TSPOAP1: variants seen among roughly 807,000 people sequenced by gnomAD.
TSPOAP1 encodes the protein peripheral-type benzodiazepine receptor-associated protein 1.
Under a neutral mutation model 197.0 loss-of-function variants are expected in TSPOAP1, and 87 were observed. That is an observed-to-expected ratio of 0.44 (90% CI 0.37 to 0.53). TSPOAP1 has a LOEUF of 0.53. Ranked by LOEUF, TSPOAP1 falls within the 20% of genes least tolerant of loss-of-function variation. The probability of loss-of-function intolerance (pLI) is 0.00; values close to 1 mark genes in which losing one functional copy is unlikely to be tolerated. For synonymous variants in TSPOAP1, 913 were observed against 998.9 expected, an observed-to-expected ratio of 0.91 and a Z score of 1.62; for missense variants, 2,174 against 2,411.3, an observed-to-expected ratio of 0.90 and a Z score of 2.06.
chr17:58,307,964 G>A (rs750608152), intron 22 of TSPOAP1, 23 bp from the exon 23 acceptor site: 1 of 1,593,208 alleles, frequency 6.3e-7, no homozygotes, highest in South Asian at 1.1e-5. Context: ...GGCAACAGAT[G>A]GCAAAAGTAA....
Position 58,307,715 on chromosome 17 carries a change from C to G in TSPOAP1, c.4879G>C (p.Val1627Leu). 1 of 1,614,182 alleles carries G rather than the reference C, an allele frequency of 6.2e-7. No homozygotes were observed. Among genetic ancestry groups the G allele is most frequent in the Non-Finnish European group, 8.5e-7 (1 of 1,180,036 alleles). The change falls in exon 24 of 32, where the codon GTC (valine) becomes CTC (leucine). Residue 1627 changes from valine (V) to leucine (L), a missense_variant. By Grantham distance (32) the Val-to-Leu change is conservative. Around this residue, in one of 5 missense-constraint regions of TSPOAP1, gnomAD observed 1,933 missense variants for 2,139.0 expected, o/e 0.90. Coordinates refer to ENST00000343736, the MANE Select transcript of TSPOAP1 (RefSeq NM_004758.4). The part of the protein sequence containing the change: ...SETLAYQHLP[V>L]RIFVALFDYD... ...TCAAACAGAGCCACAAAGATCCTGA[C>G]GGGTAGGTGCTGGTAAGCCAGTGTT...
chr17:58,323,465 T>G lies in TSPOAP1; in HGVS notation c.1020+3A>C, dbSNP rs2143125471. 1 of 1,614,200 alleles carries G rather than the reference T, an allele frequency of 6.2e-7. No homozygotes were observed. Among genetic ancestry groups the G allele is most frequent in the East Asian group, 2.2e-5 (1 of 44,888 alleles). ...TGCCTCCAGCCCTTGACCTAGGACT[T>G]ACCAGCTGCTGCACCCTCTGCTCTT... On this transcript the variant is annotated splice_donor_region_variant and intron_variant, in intron 6 of 31. Coordinates refer to ENST00000343736, the MANE Select transcript of TSPOAP1 (RefSeq NM_004758.4).
At position 58,312,732 on chromosome 17, in the gene TSPOAP1, G is replaced by T; in HGVS notation, c.2099-10C>A. ...CCATCCATGAGCTCTCCTGGCAGGA[G>T]GAGGACAGGAAGGGGCAGGGCAGGG... On this transcript the variant is annotated splice_polypyrimidine_tract_variant and intron_variant, in intron 16 of 31. Coordinates refer to ENST00000343736, the MANE Select transcript of TSPOAP1 (RefSeq NM_004758.4). The T allele has an allele frequency of 6.2e-7, 1 of 1,610,214 alleles. No homozygotes were observed. Among genetic ancestry groups the T allele is most frequent in the Non-Finnish European group, 8.5e-7 (1 of 1,178,506 alleles).
intron 15 of TSPOAP1, 139 bp from the exon 16 acceptor site, chr17:58,316,271 C>G: frequency 9.4e-7 from 1 of 1,059,082 alleles, no homozygotes; most frequent in African/African-American, 1.6e-5. Flanking sequence ...TGAGCCCTCA[C>G]TGCACCCACC....
Position 58,323,488 on chromosome 17 carries a change from C to T in TSPOAP1, c.1000G>A (p.Glu334Lys), listed in dbSNP as rs1205612577. Residue 334 changes from glutamate to lysine, a missense_variant, in exon 6 of 32, where the codon GAG becomes AAG. By Grantham distance (56) the Glu-to-Lys change is moderately conservative (BLOSUM62 1). Around this residue, in one of 5 missense-constraint regions of TSPOAP1, gnomAD observed 1,933 missense variants for 2,139.0 expected, o/e 0.90. Transcript: ENST00000343736. Reference sequence around the variant, plus strand: ...CTTACCAGCTGCTGCACCCTCTGCTCTTTCTCTGGCTCCCCTAGAATCACG... The same window carrying T: ...CTTACCAGCTGCTGCACCCTCTGCTTTTTCTCTGGCTCCCCTAGAATCACG... ...LPVILGEPEK[E>K]QRVQQLESEL... 1 of 1,614,114 alleles carries T rather than the reference C, an allele frequency of 6.2e-7. No individual in the cohort carries two copies. The highest frequency in any genetic ancestry group is 8.5e-7 in the Non-Finnish European group (1 of 1,180,030).
At chr17:58,323,597 C>A in intron 5 of TSPOAP1, 52 bp from the exon 6 acceptor site, 1 of 1,575,232 alleles carries the variant, frequency 6.3e-7, no homozygotes, top group Non-Finnish European at 8.7e-7. Context: ...GGCCCCAGGG[C>A]AGCCTGCCCC....
chr17:58,304,641 A>G lies in TSPOAP1; in HGVS notation c.5545-242T>C. ...GGAGAGGCAAGCTCAAGGAACGAGA[A>G]CCCAGGAAGCTGGGCCTGGCTGGGC... is the stretch of plus-strand genomic sequence containing the variant. On this transcript the variant is annotated intron_variant, in intron 30 of 31. Transcript: ENST00000343736. This position sits in a 1 kb window ranked among gnomAD's most constrained non-coding sequence, Gnocchi z 4.2. 1 of 583,132 alleles carries G rather than the reference A, an allele frequency of 1.7e-6. No individual in the cohort carries two copies. Among genetic ancestry groups the G allele is most frequent in the Non-Finnish European group, 3.1e-6 (1 of 325,484 alleles). 36.1% of individuals were successfully genotyped at this position (583,132 alleles called of 1,614,324 possible).
Position 58,324,875 on chromosome 17 carries a change from G to A in TSPOAP1, c.878C>T (p.Ser293Phe). 1.3e-6 allele frequency: 2 copies of A among 1,531,720 alleles called. No homozygotes were observed. The highest frequency in any genetic ancestry group is 2.7e-5 in the African/African-American group (2 of 72,896). The allele number at this position is 1,531,720 out of a possible 1,614,324, so 94.9% of individuals were successfully genotyped here. A position where few individuals can be genotyped will look rare whatever the true frequency, so the allele number is the denominator to read the frequency against. ...NQRETLPLPP[S>F]WPPGPALQAR... ...CTGGAGAGCAGGGCCCGGGGGCCAGGACGGCGGGAGCGGGAGCGTCTCCCG... is the reference window on the plus strand; with the variant it reads ...CTGGAGAGCAGGGCCCGGGGGCCAGAACGGCGGGAGCGGGAGCGTCTCCCG... Residue 293 changes from serine (S) to phenylalanine (F), a missense_variant, in exon 5 of 32, where the codon TCC (serine) becomes TTC (phenylalanine). Physicochemically the swap from Ser to Phe is radical, Grantham distance 155. This residue lies in a region of TSPOAP1 where 1,933 missense variants were observed against 2,139.0 expected (regional missense o/e 0.90). Coordinates refer to ENST00000343736, the MANE Select transcript of TSPOAP1 (RefSeq NM_004758.4). This position sits in a 1 kb window ranked among gnomAD's most constrained non-coding sequence, Gnocchi z 5.8.
Position 58,312,774 on chromosome 17 carries a change from T to A in TSPOAP1, c.2099-52A>T, listed in dbSNP as rs1196043606. On this transcript the variant is annotated intron_variant, in intron 16 of 31. Transcript: ENST00000343736. The stretch of plus-strand genomic sequence containing the variant: ...AGGGCAGGGGAAGACAGAGAGGAGA[T>A]AAAGAAAAAACGGTATAATAAATGC... The A allele has an allele frequency of 1.6e-5, 24 of 1,482,330 alleles. No homozygotes were observed. The Admixed American group carries it at 2.6e-4, about 16-fold the overall frequency. The allele number at this position is 1,482,330 out of a possible 1,614,324, so 91.8% of individuals were successfully genotyped here. A position where few individuals can be genotyped will look rare whatever the true frequency, so the allele number is the denominator to read the frequency against.
In TSPOAP1 at chr17:58,322,348, C is replaced by T; in HGVS notation, c.1382G>A (p.Ser461Asn). The T allele has an allele frequency of 1.9e-6, 3 of 1,605,346 alleles. No individual in the cohort carries two copies. Among genetic ancestry groups the T allele is most frequent in the Non-Finnish European group, 2.5e-6 (3 of 1,179,978 alleles). Reference sequence around the variant, plus strand: ...GACCTCCTCCTGCTTCTCCCGTAGGCTGAGCCGAGCCTGTTCATGCTCCAC... The same window carrying T: ...GACCTCCTCCTGCTTCTCCCGTAGGTTGAGCCGAGCCTGTTCATGCTCCAC... Reference protein sequence around the residue: ...LEVEHEQARLSLREKQEEVRR... With the variant: ...LEVEHEQARLNLREKQEEVRR... Residue 461 changes from serine (S) to asparagine (N), a missense_variant, in exon 10 of 32, where the codon AGC becomes AAC. By Grantham distance (46) the Ser-to-Asn change is conservative (BLOSUM62 1). This residue lies in a region of TSPOAP1 where 1,933 missense variants were observed against 2,139.0 expected (regional missense o/e 0.90). Transcript: ENST00000343736. The surrounding 1 kb of genome is among the most constrained non-coding windows in gnomAD (Gnocchi z 5.0).
At chr17:58,319,998 C>A in intron 12 of TSPOAP1, 111 bp downstream of exon 12, 1 of 1,410,612 alleles carries the variant, frequency 7.1e-7, no homozygotes, top group South Asian at 1.2e-5. Context: ...TGCCTGCTCC[C>A]AGTGACACCC....
Position 58,328,001 on chromosome 17 carries a change from C to A in TSPOAP1, c.-81G>T, listed in dbSNP as rs1195147777. ...GGGGACTGGCGAGGGTCATGCCAGG[C>A]CAGCCCCTCTCCCCTCTGAGCTCTT... On this transcript the variant is annotated 5_prime_UTR_variant, in exon 1 of 32. Transcript: ENST00000343736. The surrounding 1 kb of genome is among the most constrained non-coding windows in gnomAD (Gnocchi z 4.3). The A allele has an allele frequency of 1.6e-6, 2 of 1,239,540 alleles. No homozygotes were observed. The highest frequency in any genetic ancestry group is 2.2e-6 in the Non-Finnish European group (2 of 907,126). The allele number at this position is 1,239,540 out of a possible 1,614,324, so 76.8% of individuals were successfully genotyped here. A position where few individuals can be genotyped will look rare whatever the true frequency, so the allele number is the denominator to read the frequency against.
intron 16 of TSPOAP1, 91 bp downstream of exon 16, chr17:58,315,928 GATGA>G (rs1453469712): frequency 5.3e-5 from 47 of 881,960 alleles, no homozygotes; most frequent in African/African-American, 2.7e-4. Flanking sequence ...TGGATGGATG[GATGA>G]ATGGATGGAT....
intron 22 of TSPOAP1, among the ~76,000 whole-genome samples, 177 bp downstream of exon 22, chr17:58,308,364 G>A (rs888931953): frequency 2.6e-5 from 4 of 152,240 alleles, no homozygotes; most frequent in Non-Finnish European, 5.9e-5. Context: ...CTGATCAGCA[G>A]AAGCAGCAAA....
Position 58,322,762 on chromosome 17 carries a change from A to G in TSPOAP1, c.1209T>C (p.Asn403=). The change falls in exon 9 of 32, where the codon AAT becomes AAC. Residue 403 remains asparagine (N), a synonymous_variant. Coordinates refer to ENST00000343736, the MANE Select transcript of TSPOAP1 (RefSeq NM_004758.4). The surrounding 1 kb of genome is among the most constrained non-coding windows in gnomAD (Gnocchi z 5.0). ...CCAGGAGCTGGCCCCTCAGCTCCGC[A>G]TTCTCCCACTCCACCTGGCGAGGGG... ...ATEKEQVEWE[N]AELRGQLLGV... 6.2e-7 allele frequency: 1 copy of G among 1,612,746 alleles called. No individual in the cohort carries two copies. Among genetic ancestry groups the G allele is most frequent in the South Asian group, 1.1e-5 (1 of 91,070 alleles).
In TSPOAP1 at chr17:58,309,984, T is replaced by G. The variant is rs746600160; in HGVS notation, c.3874A>C (p.Arg1292=). 6.2e-7 allele frequency: 1 copy of G among 1,613,160 alleles called. No individual in the cohort carries two copies. The highest frequency in any genetic ancestry group is 8.5e-7 in the Non-Finnish European group (1 of 1,179,682). Residue 1292 remains arginine (R), a synonymous_variant, in exon 21 of 32, where the codon AGG becomes CGG. Coordinates refer to ENST00000343736, the MANE Select transcript of TSPOAP1 (RefSeq NM_004758.4). This position sits in a 1 kb window ranked among gnomAD's most constrained non-coding sequence, Gnocchi z 5.0. ...FQKQVAGNSI[R]ENGAKSQPDP... The stretch of plus-strand genomic sequence containing the variant: ...CCCGTTACCTTGGCCCCATTCTCCC[T>G]GATGCTGTTGCCAGCAACCTGCTTC...
At chr17:58,325,414 C>G in intron 4 of TSPOAP1, 120 bp downstream of exon 4, 1 of 1,365,532 alleles carries the variant, frequency 7.3e-7, no homozygotes, top group Non-Finnish European at 1.0e-6. Context: ...GGAACCTACT[C>G]CCAGCAACCT....
chr17:58,316,442 G>A lies in TSPOAP1; in HGVS notation c.1971C>T (p.Val657=). Residue 657 remains valine, a synonymous_variant, in exon 15 of 32, where the codon GTC becomes GTT. Coordinates refer to ENST00000343736, the MANE Select transcript of TSPOAP1 (RefSeq NM_004758.4). ...EGSRGGARIQ[V]FLARYSYNPF... is the part of the protein sequence containing the mutation. ...GGACCCACCTATAACGTGCTAGGAA[G>A]ACCTGGATCCTGGCTCCTCCCCGGC... is the stretch of plus-strand genomic sequence containing the variant. 6.2e-7 allele frequency: 1 copy of A among 1,613,508 alleles called. No individual in the cohort carries two copies. The highest frequency in any genetic ancestry group is 1.1e-5 in the South Asian group (1 of 90,990).
At position 58,301,971 on chromosome 17, in the gene TSPOAP1, G is replaced by C. The variant is rs1412006479; in HGVS notation, c.*509C>G. The C allele has an allele frequency of 4.1e-6, 1 of 245,166 alleles. No individual in the cohort carries two copies. Among genetic ancestry groups the C allele is most frequent in the Non-Finnish European group, 8.1e-6 (1 of 122,828 alleles). The allele number at this position is 245,166 out of a possible 1,614,324, so 15.2% of individuals were successfully genotyped here. On this transcript the variant is annotated 3_prime_UTR_variant, in exon 32 of 32. Coordinates refer to ENST00000343736, the MANE Select transcript of TSPOAP1 (RefSeq NM_004758.4). Reference sequence around the variant, plus strand: ...TGGGACACTAGTAGACGAGGTGGGTGGACCAGGACGCGAGGGTCCTGGGTC... The same window carrying C: ...TGGGACACTAGTAGACGAGGTGGGTCGACCAGGACGCGAGGGTCCTGGGTC...
Sources: allele counts gnomAD v4.1 joint callset (sites outside exome capture counted in the v4.1 genomes callset), GRCh38; gene constraint gnomAD v4.1.1; regional missense constraint gnomAD v4.1.1; non-coding constraint Gnocchi (gnomAD v3.1); transcripts MANE v1.5; gene names NCBI Gene and HGNC (gene_info 2026-07-23, HGNC 2026-07-21).